The following LPA variants were observed in gnomAD, a reference collection of about 807,000 sequenced individuals.
The protein encoded by LPA is lipoprotein(a), also known as apolipoprotein(a).
A neutral mutation model predicts 197.9 loss-of-function variants in LPA; 199 were observed. That is an observed-to-expected ratio of 1.01 (90% confidence interval 0.90 to 1.13). LPA has a LOEUF of 1.13. LPA is among the 50% of genes most tolerant of loss of function. The pLI is 0.00. For missense variants in LPA, 1,853 were observed against 1,785.8 expected (o/e 1.04, Z -0.68); for synonymous variants, 715 against 639.5 (o/e 1.12, Z -1.78).
At chr6:160,551,895 T>G (rs1373505364) in intron 30 of LPA, among the ~76,000 whole-genome samples, 1 of 151,706 alleles carries the variant, frequency 6.6e-6, no homozygotes, top group Non-Finnish European at 1.5e-5. Flanking sequence ...CATACTTTTT[T>G]GGCCAATAAC....
intron 30 of LPA, among the ~76,000 whole-genome samples, chr6:160,549,969 TC>T (rs1048548919): frequency 6.6e-6 from 1 of 152,202 alleles, no homozygotes; most frequent in African/African-American, 2.4e-5. Flanking sequence ...ACGCCTGTAA[TC>T]CCAGCACTTT....
intron 28 of LPA, among the ~76,000 whole-genome samples, chr6:160,573,295 T>C (rs1380211987): frequency 1.3e-5 from 2 of 152,192 alleles, no homozygotes; most frequent in Non-Finnish European, 2.9e-5. Context: ...TTATTGTTTT[T>C]TTATTAAGCT....
At chr6:160,661,931 G>A (rs1213017258) in intron 1 of LPA, among the ~76,000 whole-genome samples, 1 of 152,132 alleles carries the variant, frequency 6.6e-6, no homozygotes, top group East Asian at 1.9e-4. Context: ...AGCAGAGCAG[G>A]CTACAATTGA....
chr6:160,566,801 A>G (rs1382874267), intron 28 of LPA, among the ~76,000 whole-genome samples: 1 of 152,220 alleles, frequency 6.6e-6, no homozygotes, highest in Non-Finnish European at 1.5e-5. Flanking sequence ...AGGAAGATCT[A>G]CCAAGCAAAT....
chr6:160,587,199 C>T (rs1319345386), intron 24 of LPA, among the ~76,000 whole-genome samples: 1 of 152,210 alleles, frequency 6.6e-6, no homozygotes, highest in African/African-American at 2.4e-5. Context: ...TCTCCTGTTA[C>T]TCATGATGGT....
intron 18 of LPA, among the ~76,000 whole-genome samples, chr6:160,602,356 T>G (rs1779260321): frequency 6.6e-6 from 1 of 152,232 alleles, no homozygotes; most frequent in Non-Finnish European, 1.5e-5. Flanking sequence ...CTTTCATTAA[T>G]ATTACATACC....
At chr6:160,538,671 G>C in intron 36 of LPA, among the ~76,000 whole-genome samples, 1 of 152,152 alleles carries the variant, frequency 6.6e-6, no homozygotes, top group East Asian at 1.9e-4. Context: ...ATCATCATTA[G>C]CACCAACTTT....
At chr6:160,584,270 C>CTCT (rs60345887) in intron 26 of LPA, among the ~76,000 whole-genome samples, 21,262 of 112,804 alleles carry the variant, frequency 0.19, 2,533 homozygotes, top group Middle Eastern at 0.4. Context: ...CTTCCTCTTC[C>CTCT]TCTTCTTCTT....
intron 1 of LPA, among the ~76,000 whole-genome samples, chr6:160,653,941 T>C (rs59275096): frequency 2.1e-5 from 1 of 48,288 alleles, no homozygotes; most frequent in South Asian, 6.4e-4. Flanking sequence ...TATATATATT[T>C]TATATATATT....
chr6:160,654,050 A>ATAAT (rs1562354958), intron 1 of LPA, among the ~76,000 whole-genome samples: 355 of 8,356 alleles, frequency 0.042, 57 homozygotes, highest in African/African-American at 0.16. Flanking sequence ...TATAATATAT[A>ATAAT]ATATATTATA....
At chr6:160,652,859 T>C (rs1780031401) in intron 1 of LPA, among the ~76,000 whole-genome samples, 1 of 151,968 alleles carries the variant, frequency 6.6e-6, no homozygotes, top group Admixed American at 6.6e-5. Flanking sequence ...TGTGAAAAAA[T>C]CAAAGTATAT....
chr6:160,555,548 CA>C (rs1290605995), intron 30 of LPA, among the ~76,000 whole-genome samples: 1 of 147,062 alleles, frequency 6.8e-6, no homozygotes, highest in Non-Finnish European at 1.5e-5. Context: ...CTTATATGAA[CA>C]TATATATGTA....
At chr6:160,607,710 C>G (rs41269886) in intron 16 of LPA, among the ~76,000 whole-genome samples, 1 of 152,088 alleles carries the variant, frequency 6.6e-6, no homozygotes, top group African/African-American at 2.4e-5. Context: ...TCTAGAGACT[C>G]TATACATGTG....
intron 37 of LPA, among the ~76,000 whole-genome samples, chr6:160,534,085 C>A (rs554884110): frequency 6.6e-6 from 1 of 151,532 alleles, no homozygotes; most frequent in African/African-American, 2.4e-5. Context: ...TCATTGTCTT[C>A]GGTGTCAGAA....
At chr6:160,608,980 T>C (rs1237329124) in intron 16 of LPA, among the ~76,000 whole-genome samples, 7 of 152,106 alleles carry the variant, frequency 4.6e-5, no homozygotes, top group Non-Finnish European at 1.0e-4. Context: ...ATCCAGTAAT[T>C]TTTTCTTTTA....
rs946681442 is a variant in LPA at position 160,595,471 on chromosome 6, C to T, written c.3352G>A (p.Asp1118Asn). 1 of 1,613,812 alleles carries T rather than the reference C, an allele frequency of 6.2e-7. No homozygotes were observed. The highest frequency in any genetic ancestry group is 8.5e-7 in the Non-Finnish European group (1 of 1,179,924). ...CAGTACTCCCACCTGACACTGGGAT[C>T]CATGGTGTAACACCAAGGGCGAATC... is the stretch of plus-strand genomic sequence containing the variant. Reference protein sequence around the residue: ...AEIRPWCYTMDPSVRWEYCNL... With the variant: ...AEIRPWCYTMNPSVRWEYCNL... Residue 1118 changes from aspartate (D) to asparagine (N), a missense_variant, in exon 21 of 39, where the codon GAT (aspartate) becomes AAT (asparagine). By Grantham distance (23) the Asp-to-Asn change is conservative. Coordinates refer to ENST00000316300, the MANE Select transcript of LPA (RefSeq NM_005577.4).
intron 30 of LPA, among the ~76,000 whole-genome samples, chr6:160,552,696 T>G (rs1162071511): frequency 1.3e-5 from 2 of 152,246 alleles, no homozygotes; most frequent in Non-Finnish European, 2.9e-5. Context: ...GTATATATCC[T>G]TTTTCATATT....
chr6:160,573,189 C>G (rs992323226), intron 28 of LPA, among the ~76,000 whole-genome samples: 1 of 152,062 alleles, frequency 6.6e-6, no homozygotes, highest in Non-Finnish European at 1.5e-5. Context: ...TGTCTTTGAG[C>G]TCTGAATTTA....
chr6:160,569,347 T>C (rs980670602), intron 28 of LPA, among the ~76,000 whole-genome samples: 1 of 150,828 alleles, frequency 6.6e-6, no homozygotes, highest in Non-Finnish European at 1.5e-5. Flanking sequence ...AACCATCTGA[T>C]CTATGACAAA....
Sources: allele counts gnomAD v4.1 joint callset (sites outside exome capture counted in the v4.1 genomes callset), GRCh38; gene constraint gnomAD v4.1.1; transcripts MANE v1.5; gene names NCBI Gene and HGNC (gene_info 2026-07-23, HGNC 2026-07-21).